Variants in TOM1L2 observed in about 807,000 individuals in gnomAD.
The protein encoded by TOM1L2 is TOM1-like protein 2.
TOM1L2 carries 31 observed loss-of-function variants against 67.9 expected under a neutral mutation model. The observed-to-expected ratio is 0.46, with a 90% confidence interval of 0.34 to 0.62. The LOEUF (loss-of-function observed/expected upper bound fraction) is 0.62. Ranked by LOEUF, TOM1L2 falls within the 20% of genes least tolerant of loss-of-function variation. The pLI is 0.01. For missense variants in TOM1L2, 606 were observed against 663.5 expected (o/e 0.91, Z 0.95); for synonymous variants, 256 against 254.0 (o/e 1.01, Z -0.07).
Position 17,879,657 on chromosome 17 carries a change from C to G in TOM1L2, c.747G>C (p.Gln249His), listed in dbSNP as rs2037610345. 5 of 1,614,072 alleles carry G rather than the reference C, an allele frequency of 3.1e-6. No homozygotes were observed. Among genetic ancestry groups the G allele is most frequent in the East Asian group, 2.2e-5 (1 of 44,900 alleles). ...GCAACTCCAGATCAGATGAATCCTC[C>G]TGTCCAGGGACCATTTCTGTTAACA... ...SEMLTEMVPG[Q>H]EDSSDLELLQ... Residue 249 changes from glutamine (Q) to histidine (H), a missense_variant, in exon 7 of 15, where the codon CAG becomes CAC. Coordinates refer to ENST00000379504, the MANE Select transcript of TOM1L2 (RefSeq NM_001082968.2).
chr17:17,921,948 C>A (rs773961319), intron 1 of TOM1L2, among the ~76,000 whole-genome samples: 2 of 151,686 alleles, frequency 1.3e-5, no homozygotes, highest in African/African-American at 4.9e-5. Context: ...CACACTGTCA[C>A]CAGCCTTTTT....
chr17:17,889,526 G>A (rs2038168096), intron 4 of TOM1L2, among the ~76,000 whole-genome samples: 1 of 152,166 alleles, frequency 6.6e-6, no homozygotes, highest in South Asian at 2.1e-4. Context: ...AACCAAAGGG[G>A]CAGTGGGCTT....
intron 1 of TOM1L2, among the ~76,000 whole-genome samples, chr17:17,968,826 G>A (rs976384264): frequency 6.6e-6 from 1 of 151,986 alleles, no homozygotes; most frequent in African/African-American, 2.4e-5. Flanking sequence ...GCCTCATTCA[G>A]CTGTCCCTAG....
intron 4 of TOM1L2, among the ~76,000 whole-genome samples, chr17:17,892,561 T>C (rs116711019): frequency 8.1e-4 from 124 of 152,278 alleles, no homozygotes; most frequent in African/African-American, 2.8e-3. Flanking sequence ...CTCCTCAGCA[T>C]GCATGGCCAC....
At chr17:17,938,359 C>G (rs572244829) in intron 1 of TOM1L2, among the ~76,000 whole-genome samples, 1 of 152,232 alleles carries the variant, frequency 6.6e-6, no homozygotes, top group Non-Finnish European at 1.5e-5. Flanking sequence ...AGAGCTCCTT[C>G]TACCTCTTAG....
intron 2 of TOM1L2, among the ~76,000 whole-genome samples, chr17:17,905,784 A>G (rs1215928771): frequency 6.6e-6 from 1 of 152,064 alleles, no homozygotes; most frequent in East Asian, 1.9e-4. Flanking sequence ...ATCTCTTTCC[A>G]ATAAGAGTGG....
chr17:17,935,845 G>A (rs1344994488), intron 1 of TOM1L2, among the ~76,000 whole-genome samples: 1 of 152,106 alleles, frequency 6.6e-6, no homozygotes, highest in Non-Finnish European at 1.5e-5. Flanking sequence ...TAAGTGAAAT[G>A]CACTTCCACC....
At chr17:17,862,913 GC>G in intron 10 of TOM1L2, 65 bp from the exon 11 acceptor site, 2 of 1,040,792 alleles carry the variant, frequency 1.9e-6, no homozygotes, top group Non-Finnish European at 1.3e-6. Context: ...CTGATGAAGG[GC>G]CCCCAAGCTA....
At position 17,850,467 on chromosome 17, in the gene TOM1L2, T is replaced by A. The variant is rs190341312; in HGVS notation, c.1338+426A>T. ...ATTAAAAACAAAAGCACTGTGTGTATACTTCACAATTAAAAAAAAAAGAAA... is the reference window on the plus strand; with the variant it reads ...ATTAAAAACAAAAGCACTGTGTGTAAACTTCACAATTAAAAAAAAAAGAAA... On this transcript the variant is annotated intron_variant, in intron 13 of 14. Transcript: ENST00000379504. 2.5e-4 allele frequency among the ~76,000 whole-genome samples: 38 copies of A among 150,240 alleles called. No homozygotes were observed. The East Asian group carries it at 4.5e-3, about 18-fold the overall frequency.
At chr17:17,913,321 G>A (rs1874329040) in intron 1 of TOM1L2, among the ~76,000 whole-genome samples, 1 of 150,896 alleles carries the variant, frequency 6.6e-6, no homozygotes, top group African/African-American at 2.5e-5. Flanking sequence ...AGCTGCAAGG[G>A]GAATGGACAG....
At chr17:17,848,740 C>T (rs538703845) in intron 14 of TOM1L2, 83 bp downstream of exon 14, 2 of 1,512,964 alleles carry the variant, frequency 1.3e-6, no homozygotes, top group Middle Eastern at 2.2e-4. Flanking sequence ...GCAGCGGGGG[C>T]TCCAAGATGA....
intron 1 of TOM1L2, among the ~76,000 whole-genome samples, chr17:17,909,658 G>A (rs749583525): frequency 6.6e-6 from 1 of 152,174 alleles, no homozygotes; most frequent in Non-Finnish European, 1.5e-5. Flanking sequence ...TGGGGAAAAT[G>A]AAAGAGTTCT....
At chr17:17,876,911 T>C (rs887891697) in intron 7 of TOM1L2, among the ~76,000 whole-genome samples, 1 of 152,246 alleles carries the variant, frequency 6.6e-6, no homozygotes, top group Non-Finnish European at 1.5e-5. Flanking sequence ...GGAAGAAATC[T>C]GAACACAGGT....
At chr17:17,896,152 G>T (rs148581631) in intron 3 of TOM1L2, among the ~76,000 whole-genome samples, 35 of 152,172 alleles carry the variant, frequency 2.3e-4, no homozygotes, top group Non-Finnish European at 4.4e-4. Flanking sequence ...ATCCATGGGG[G>T]CACTGAAATG....
chr17:17,925,490 A>T (rs1291701045), intron 1 of TOM1L2, among the ~76,000 whole-genome samples: 1 of 152,090 alleles, frequency 6.6e-6, no homozygotes, highest in Non-Finnish European at 1.5e-5. Flanking sequence ...ACTAAGAAAG[A>T]AAGTGGCAAA....
chr17:17,887,935 T>C (rs2038081187), intron 4 of TOM1L2, among the ~76,000 whole-genome samples: 1 of 152,204 alleles, frequency 6.6e-6, no homozygotes, highest in Non-Finnish European at 1.5e-5. Flanking sequence ...ACTTAGGCTG[T>C]CAACAGACTG....
chr17:17,954,473 C>T (rs1296004580), intron 1 of TOM1L2, among the ~76,000 whole-genome samples: 1 of 152,144 alleles, frequency 6.6e-6, no homozygotes, highest in Non-Finnish European at 1.5e-5. Flanking sequence ...CCACCATGTC[C>T]TGCTAATTTT....
intron 1 of TOM1L2, among the ~76,000 whole-genome samples, chr17:17,911,063 A>G (rs1036811183): frequency 6.6e-5 from 10 of 152,228 alleles, no homozygotes; most frequent in Admixed American, 1.3e-4. Flanking sequence ...CTGGATTGCG[A>G]GGCTCCTCCA....
chr17:17,949,285 CACG>C (rs1301718260), intron 1 of TOM1L2, among the ~76,000 whole-genome samples: 4 of 152,254 alleles, frequency 2.6e-5, no homozygotes, highest in East Asian at 3.9e-4. Context: ...GCTCACCATC[CACG>C]ACATTACTGA....
Sources: allele counts gnomAD v4.1 joint callset (sites outside exome capture counted in the v4.1 genomes callset), GRCh38; gene constraint gnomAD v4.1.1; transcripts MANE v1.5; gene names NCBI Gene and HGNC (gene_info 2026-07-23, HGNC 2026-07-21).